UBE2E2: variants seen among roughly 807,000 people sequenced by gnomAD.
UBE2E2 encodes the protein ubiquitin conjugating enzyme E2 E2.
UBE2E2 carries 6 observed loss-of-function variants against 24.7 expected under a neutral mutation model. The observed-to-expected ratio is 0.24, with a 90% CI of 0.13 to 0.48. UBE2E2 has a LOEUF of 0.48. Ranked by LOEUF, UBE2E2 falls within the 20% of genes least tolerant of loss-of-function variation. The pLI is 0.99. For missense variants in UBE2E2, 169 were observed against 245.0 expected (o/e 0.69, Z 2.07); for synonymous variants, 104 against 83.6 (o/e 1.24, Z -1.33).
intron 5 of UBE2E2, among the ~76,000 whole-genome samples, chr3:23,571,551 G>A (rs932958679): frequency 4.0e-5 from 6 of 151,790 alleles, no homozygotes; most frequent in African/African-American, 1.2e-4. Flanking sequence ...GCCTCCCAAA[G>A]TGCTGGGATT....
intron 3 of UBE2E2, among the ~76,000 whole-genome samples, chr3:23,295,945 T>C (rs962440235): frequency 6.6e-6 from 1 of 152,198 alleles, no homozygotes; most frequent in Non-Finnish European, 1.5e-5. Context: ...TTTTTAAACA[T>C]TGAAATCTAA....
chr3:23,465,947 A>G (rs1575648557), intron 3 of UBE2E2, among the ~76,000 whole-genome samples: 1 of 152,146 alleles, frequency 6.6e-6, no homozygotes, highest in Non-Finnish European at 1.5e-5. Flanking sequence ...GGGCCTAGGT[A>G]CACATTCTTT....
intron 3 of UBE2E2, among the ~76,000 whole-genome samples, chr3:23,379,788 C>G (rs2125348989): frequency 6.6e-6 from 1 of 152,090 alleles, no homozygotes; most frequent in South Asian, 2.1e-4. Flanking sequence ...CGTTGAAATT[C>G]TGAAGAAAGT....
intron 5 of UBE2E2, among the ~76,000 whole-genome samples, chr3:23,556,140 CTTTTT>C (rs71057604): frequency 3.2e-5 from 3 of 92,332 alleles, no homozygotes; most frequent in Admixed American, 1.3e-4. Flanking sequence ...AATATACAAA[CTTTTT>C]TTTTTTTTTT....
intron 3 of UBE2E2, among the ~76,000 whole-genome samples, chr3:23,490,042 C>G (rs567826832): frequency 6.6e-6 from 1 of 152,100 alleles, no homozygotes; most frequent in African/African-American, 2.4e-5. Context: ...TTTCTGGAGT[C>G]CTTTCAGCTA....
chr3:23,456,475 C>G (rs1698682446), intron 3 of UBE2E2, among the ~76,000 whole-genome samples: 1 of 152,168 alleles, frequency 6.6e-6, no homozygotes, highest in South Asian at 2.1e-4. Flanking sequence ...AATAATAACA[C>G]TTGAAAGTCA....
chr3:23,422,689 C>A (rs1697831337), intron 3 of UBE2E2, among the ~76,000 whole-genome samples: 1 of 152,090 alleles, frequency 6.6e-6, no homozygotes, highest in African/African-American at 2.4e-5. Flanking sequence ...TTCCAGAAGG[C>A]AGAACAGAGA....
chr3:23,515,628 C>T (rs956631609), intron 4 of UBE2E2, among the ~76,000 whole-genome samples: 5 of 152,008 alleles, frequency 3.3e-5, no homozygotes, highest in Non-Finnish European at 7.4e-5. Flanking sequence ...AATTTTAATA[C>T]GTTCTCATTA....
chr3:23,266,919 T>C (rs1158548937), intron 3 of UBE2E2, among the ~76,000 whole-genome samples: 4 of 152,086 alleles, frequency 2.6e-5, no homozygotes, highest in South Asian at 4.1e-4. Context: ...ACCATGCAAC[T>C]ACATGGAAAC....
chr3:23,577,664 T>C (rs1415485337), intron 5 of UBE2E2, among the ~76,000 whole-genome samples: 10 of 152,212 alleles, frequency 6.6e-5, no homozygotes, highest in Admixed American at 5.2e-4. Flanking sequence ...CTAGCTAAGA[T>C]AATTGATGAA....
intron 3 of UBE2E2, among the ~76,000 whole-genome samples, chr3:23,373,124 C>G (rs1219884497): frequency 1.3e-5 from 2 of 152,266 alleles, no homozygotes; most frequent in African/African-American, 4.8e-5. Flanking sequence ...TCCTCAACTC[C>G]CCATGGAAAC....
intron 4 of UBE2E2, among the ~76,000 whole-genome samples, chr3:23,505,310 G>C (rs993238120): frequency 6.6e-6 from 1 of 152,058 alleles, no homozygotes; most frequent in African/African-American, 2.4e-5. Context: ...GAAATGCATA[G>C]GGGTAACGCA....
rs1698272330 is a variant in UBE2E2 at position 23,272,525 on chromosome 3, G to A, written c.227+55213G>A. Among the ~76,000 whole-genome samples the A allele has an allele frequency of 3.3e-5, 5 of 152,354 alleles. No individual in the cohort carries two copies. In the South Asian group the frequency reaches 1.0e-3, roughly 32 times the overall value. On this transcript the variant is annotated intron_variant, in intron 3 of 5. Transcript: ENST00000396703. ...CGCCAAGGCCGAGGAGGCGCTGAGA[G>A]CGAGCGAGGGCCGCCAGCACGTTGT...
chr3:23,589,996 T>G lies in UBE2E2; in HGVS notation c.*165T>G. On this transcript the variant is annotated 3_prime_UTR_variant, in exon 6 of 6. Coordinates refer to ENST00000396703, the MANE Select transcript of UBE2E2 (RefSeq NM_152653.4). The surrounding 1 kb of genome is among the most constrained non-coding windows in gnomAD (Gnocchi z 4.1). ...TCCATCTTCCCATCCCAGTTCTTCC[T>G]GCCCCCCTTCCTCTCTCCCACGCTC... 1 of 569,322 alleles carries G rather than the reference T, an allele frequency of 1.8e-6. No individual in the cohort carries two copies. Among genetic ancestry groups the G allele is most frequent in the Non-Finnish European group, 3.1e-6 (1 of 320,454 alleles). The allele number at this position is 569,322 out of a possible 1,614,324, so 35.3% of individuals were successfully genotyped here. A position where few individuals can be genotyped will look rare whatever the true frequency, so the allele number is the denominator to read the frequency against.
At chr3:23,245,210 A>C (rs1370958004) in intron 3 of UBE2E2, among the ~76,000 whole-genome samples, 1 of 152,142 alleles carries the variant, frequency 6.6e-6, no homozygotes, top group African/African-American at 2.4e-5. Context: ...AACTCCATAG[A>C]GCACTTACTG....
intron 5 of UBE2E2, among the ~76,000 whole-genome samples, chr3:23,587,246 C>T (rs1040295332): frequency 6.6e-6 from 1 of 152,192 alleles, no homozygotes; most frequent in African/African-American, 2.4e-5. Flanking sequence ...CTCCTTTTGC[C>T]TGTACTGAAA....
chr3:23,499,781 A>C, intron 4 of UBE2E2, 41 bp downstream of exon 4: 1 of 1,600,250 alleles, frequency 6.2e-7, no homozygotes, highest in African/African-American at 1.3e-5. Context: ...AATATGGATT[A>C]TATTTCTAGA....
At chr3:23,525,069 T>C (rs1441531201) in intron 4 of UBE2E2, among the ~76,000 whole-genome samples, 1 of 152,188 alleles carries the variant, frequency 6.6e-6, no homozygotes, top group Non-Finnish European at 1.5e-5. Context: ...CCTTGCCTTT[T>C]TCAGCTTCTA....
intron 3 of UBE2E2, among the ~76,000 whole-genome samples, chr3:23,308,952 G>A (rs1699306176): frequency 6.6e-6 from 1 of 152,184 alleles, no homozygotes; most frequent in Non-Finnish European, 1.5e-5. Context: ...GGAGTCTGAT[G>A]TCCAAGCACA....
Sources: gnomAD v4.1 joint callset for allele counts (sites outside exome capture counted in the v4.1 genomes callset) on GRCh38, gnomAD v4.1.1 for gene constraint, Gnocchi (gnomAD v3.1) non-coding constraint, MANE v1.5 for transcripts, NCBI Gene and HGNC (gene_info 2026-07-23, HGNC 2026-07-21) for gene names.